COL19A1: variants seen among roughly 807,000 people sequenced by gnomAD.
The protein encoded by COL19A1 is collagen alpha-1(XIX) chain.
In COL19A1, 159 loss-of-function variants were observed where a neutral mutation model predicts 190.2. That is an observed-to-expected ratio of 0.84 (90% CI 0.73 to 0.95). The LOEUF (loss-of-function observed/expected upper bound fraction) is 0.95, where lower values mean the gene tolerates loss of function less well. Among genes scored for constraint, COL19A1 ranks in the 40% least tolerant of loss-of-function variants. The probability of loss-of-function intolerance (pLI) is 0.00; values close to 1 mark genes in which losing one functional copy is unlikely to be tolerated. For missense variants in COL19A1, 1,418 were observed against 1,431.9 expected (o/e 0.99, Z 0.16); for synonymous variants, 509 against 458.9 (o/e 1.11, Z -1.39).
At chr6:70,081,946 A>G (rs1582865837) in intron 15 of COL19A1, among the ~76,000 whole-genome samples, 2 of 152,298 alleles carry the variant, frequency 1.3e-5, no homozygotes, top group South Asian at 2.1e-4. Flanking sequence ...AGGAAAAAAT[A>G]AAAGAGTGAA....
rs952464544 is a variant in COL19A1 at position 70,208,729 on chromosome 6, G to A, written c.*1455G>A. The A allele has an allele frequency of 6.6e-6, 1 of 152,606 alleles. No homozygotes were observed. The highest frequency in any genetic ancestry group is 2.4e-5 in the African/African-American group (1 of 41,442). 9.5% of individuals were successfully genotyped at this position (152,606 alleles called of 1,614,324 possible). On this transcript the variant is annotated 3_prime_UTR_variant, in exon 51 of 51. Transcript: ENST00000620364. ...GATTTCAATTTGGCTAAAACAGGAT[G>A]ATTGCTTTTGTCTGTTTACTGAAAA...
At chr6:70,118,453 A>AAACCCT (rs1784706129) in intron 16 of COL19A1, among the ~76,000 whole-genome samples, 1 of 152,180 alleles carries the variant, frequency 6.6e-6, no homozygotes. Flanking sequence ...CTAGTCTCTG[A>AAACCCT]AGGGTTCCTT....
At chr6:70,184,957 T>C in intron 46 of COL19A1, 42 bp downstream of exon 46, 2 of 1,572,784 alleles carry the variant, frequency 1.3e-6, no homozygotes, top group South Asian at 2.3e-5. Flanking sequence ...AGTCTGTCTG[T>C]TACAACTGTC....
intron 16 of COL19A1, among the ~76,000 whole-genome samples, chr6:70,120,691 A>G (rs1784838303): frequency 6.6e-6 from 1 of 152,192 alleles, no homozygotes; most frequent in Non-Finnish European, 1.5e-5. Context: ...TGTGAGGCCC[A>G]TTATTTTCTC....
intron 16 of COL19A1, among the ~76,000 whole-genome samples, chr6:70,112,528 T>A (rs1030086916): frequency 6.6e-6 from 1 of 152,012 alleles, no homozygotes; most frequent in Non-Finnish European, 1.5e-5. Context: ...GCCATGGAGA[T>A]CAGTCAAAAT....
chr6:70,081,942 AAAT>A (rs1196954169), intron 15 of COL19A1, among the ~76,000 whole-genome samples: 7 of 152,178 alleles, frequency 4.6e-5, no homozygotes, highest in African/African-American at 1.4e-4. Context: ...TGGTAGGAAA[AAAT>A]AAAAGAGTGA....
At chr6:70,203,880 C>T (rs769913373) in intron 49 of COL19A1, among the ~76,000 whole-genome samples, 11 of 149,104 alleles carry the variant, frequency 7.4e-5, no homozygotes, top group Non-Finnish European at 1.2e-4. Context: ...TTTTTTTGAG[C>T]CGGATTTTCA....
rs1263479686 is a variant in COL19A1, at chr6:70,156,720, T to A, written c.2289T>A (p.Asp763Glu). The A allele has an allele frequency of 1.2e-6, 2 of 1,609,030 alleles. No individual in the cohort carries two copies. The highest frequency in any genetic ancestry group is 1.7e-6 in the Non-Finnish European group (2 of 1,176,796). Residue 763 changes from aspartate to glutamate, a missense_variant, in exon 34 of 51, where the codon GAT becomes GAA. Physicochemically the swap from Asp to Glu is conservative, Grantham distance 45. Coordinates refer to ENST00000620364, the MANE Select transcript of COL19A1 (RefSeq NM_001858.6). Reference protein sequence around the residue: ...GYPGIPGEKGDEGLQGIPGIP... With the variant: ...GYPGIPGEKGEEGLQGIPGIP... Reference sequence around the variant, plus strand: ...CTGGGATACCTGGGGAGAAAGGCGATGAGGTAACAGATTCTTTTCTGATTA... The same window carrying A: ...CTGGGATACCTGGGGAGAAAGGCGAAGAGGTAACAGATTCTTTTCTGATTA...
chr6:69,903,702 A>G (rs1310950131), intron 4 of COL19A1, among the ~76,000 whole-genome samples: 2 of 152,212 alleles, frequency 1.3e-5, no homozygotes, highest in Non-Finnish European at 2.9e-5. Flanking sequence ...TGATATTCTC[A>G]GGTGCTCCGT....
In COL19A1 at chr6:69,898,958, C is replaced by T. The variant is rs759242346; in HGVS notation, c.102C>T (p.Cys34=). 2.5e-6 allele frequency: 4 copies of T among 1,608,232 alleles called. No homozygotes were observed. The Admixed American group carries it at 5.0e-5, about 20-fold the overall frequency. The change falls in exon 3 of 51, where the codon TGC becomes TGT. Residue 34 remains cysteine (C), a synonymous_variant. Coordinates refer to ENST00000620364, the MANE Select transcript of COL19A1 (RefSeq NM_001858.6). The part of the protein sequence containing the change: ...VTVRDKTEES[C]PILRIEGHQL... ...TTTCTTTTTAAATAGAAGAGTCATG[C>T]CCTATCCTGAGAATAGAGGGACATC... is the stretch of plus-strand genomic sequence containing the variant.
chr6:69,936,411 C>G lies in COL19A1; in HGVS notation c.748-374C>G, dbSNP rs1441192834. ...TATAGGTTCAAATTACATGTTTCAA[C>G]TTTAATTTTTGTTCCCAAAAGATGT... On this transcript the variant is annotated intron_variant, in intron 7 of 50. Coordinates refer to ENST00000620364, the MANE Select transcript of COL19A1 (RefSeq NM_001858.6). 5.3e-5 allele frequency among the ~76,000 whole-genome samples: 8 copies of G among 152,056 alleles called. No homozygotes were observed. The East Asian group carries it at 1.3e-3, about 26-fold the overall frequency.
chr6:70,142,695 A>G, intron 22 of COL19A1, 72 bp from the exon 23 acceptor site: 1 of 1,372,906 alleles, frequency 7.3e-7, no homozygotes, highest in Non-Finnish European at 1.0e-6. Flanking sequence ...ATTCTTTACA[A>G]ATACTCAGGT....
At chr6:69,996,979 G>GTATGTGTACATATATA (rs1434682064) in intron 11 of COL19A1, among the ~76,000 whole-genome samples, 5 of 147,038 alleles carry the variant, frequency 3.4e-5, no homozygotes, top group African/African-American at 1.3e-4. Context: ...GTACATATAT[G>GTATGTGTACATATATA]TATGTGTACG....
chr6:70,117,466 T>C (rs1784643579), intron 16 of COL19A1, among the ~76,000 whole-genome samples: 1 of 152,194 alleles, frequency 6.6e-6, no homozygotes, highest in Non-Finnish European at 1.5e-5. Flanking sequence ...GTTTTCCACC[T>C]CCAGCAAGAT....
intron 11 of COL19A1, among the ~76,000 whole-genome samples, chr6:69,989,511 A>G (rs1776496874): frequency 6.6e-6 from 1 of 150,594 alleles, no homozygotes; most frequent in African/African-American, 2.4e-5. Context: ...TTTGAATGTG[A>G]CTCAACACAA....
At chr6:69,996,541 T>C (rs1776915414) in intron 11 of COL19A1, among the ~76,000 whole-genome samples, 1 of 152,164 alleles carries the variant, frequency 6.6e-6, no homozygotes, top group Non-Finnish European at 1.5e-5. Context: ...AGTTATATTT[T>C]GTAACTTCCT....
chr6:70,024,906 C>T (rs146148425), intron 12 of COL19A1, among the ~76,000 whole-genome samples: 1 of 152,182 alleles, frequency 6.6e-6, no homozygotes, highest in Non-Finnish European at 1.5e-5. Context: ...ATTGGAGGCA[C>T]GTGGTGAAGT....
Position 70,076,322 on chromosome 6 carries a change from A to G in COL19A1, c.1224+7846A>G, listed in dbSNP as rs565457345. Among the ~76,000 whole-genome samples the G allele has an allele frequency of 2.0e-5, 3 of 152,340 alleles. No homozygotes were observed. In the East Asian group the frequency reaches 5.8e-4, roughly 29 times the overall value. ...CCCATTGTCTATTTTGTGGTATCACACTGAAACCCAGATTTGCATGTTTTA... is the reference window on the plus strand; with the variant it reads ...CCCATTGTCTATTTTGTGGTATCACGCTGAAACCCAGATTTGCATGTTTTA... On this transcript the variant is annotated intron_variant, in intron 15 of 50. Coordinates refer to ENST00000620364, the MANE Select transcript of COL19A1 (RefSeq NM_001858.6).
chr6:70,133,168 A>C (rs953050725), intron 18 of COL19A1, among the ~76,000 whole-genome samples: 15 of 152,350 alleles, frequency 9.8e-5, no homozygotes, highest in African/African-American at 3.6e-4. Context: ...GCTGTAGAAT[A>C]AAATATTTAA....
Sources: allele counts gnomAD v4.1 joint callset (sites outside exome capture counted in the v4.1 genomes callset), GRCh38; gene constraint gnomAD v4.1.1; transcripts MANE v1.5; gene names NCBI Gene and HGNC (gene_info 2026-07-23, HGNC 2026-07-21).